The following DMD variants were observed in gnomAD, a reference collection of about 807,000 sequenced individuals.
The protein encoded by DMD is dystrophin.
A neutral mutation model predicts 330.1 loss-of-function variants in DMD; 63 were observed. The ratio of observed to expected loss-of-function variants is 0.19; its 90% CI spans 0.16 to 0.24. The LOEUF is 0.24. Among genes scored for constraint, DMD ranks in the 10% least tolerant of loss-of-function variants. The probability of loss-of-function intolerance (pLI) is 1.00; values close to 1 mark genes in which losing one functional copy is unlikely to be tolerated. For missense variants in DMD, 3,344 were observed against 2,684.1 expected, an observed-to-expected ratio of 1.25 and a Z score of -5.43; for synonymous variants, 1,223 against 959.8, an observed-to-expected ratio of 1.27 and a Z score of -5.07.
intron 4 of DMD, among the ~76,000 whole-genome samples, chrX:32,825,379 T>C (rs2078615168): frequency 9.0e-6 from 1 of 110,991 alleles, no homozygotes; most frequent in Admixed American, 9.6e-5. Flanking sequence ...TCTCATAAGG[T>C]CCAATTTCCA....
At chrX:31,145,609 C>G (rs750863090) in intron 76 of DMD, among the ~76,000 whole-genome samples, 2 of 110,535 alleles carry the variant, frequency 1.8e-5, no homozygotes, top group Non-Finnish European at 3.8e-5. Flanking sequence ...AAATCCTCTC[C>G]CTTCATTCCT....
intron 1 of DMD, among the ~76,000 whole-genome samples, chrX:33,287,678 C>T (rs1323740652): frequency 2.7e-5 from 3 of 111,021 alleles, no homozygotes; most frequent in Non-Finnish European, 3.8e-5. Flanking sequence ...AAGTAAGGAA[C>T]GGTTAAAAAG....
chrX:31,455,958 C>T (rs2066126367), intron 59 of DMD, among the ~76,000 whole-genome samples: 1 of 111,424 alleles, frequency 9.0e-6, no homozygotes, highest in Non-Finnish European at 1.9e-5. Flanking sequence ...TGGCATAGGA[C>T]CGGGGATCTC....
chrX:33,198,075 C>T (rs1247623918), intron 1 of DMD, among the ~76,000 whole-genome samples: 1 of 111,533 alleles, frequency 9.0e-6, no homozygotes, highest in East Asian at 2.8e-4. Context: ...TCCCTGTTAG[C>T]TTTCAGTGTT....
intron 30 of DMD, among the ~76,000 whole-genome samples, chrX:32,400,533 G>C (rs1350249100): frequency 2.7e-4 from 30 of 111,127 alleles, no homozygotes; most frequent in Non-Finnish European, 4.5e-4. Context: ...AGAAGGAATG[G>C]TATCAGTTCC....
rs763855627 is a variant in DMD at position 31,939,400 on chromosome X, T to C, written c.6615-7173A>G. ...TTATGCCTCACTATTAAGGAAATGA[T>C]TAGCAACTTTTGAGTAGATGTGGAA... is the stretch of plus-strand genomic sequence containing the variant. On this transcript the variant is annotated intron_variant, in intron 45 of 78. Transcript: ENST00000357033. Among the ~76,000 whole-genome samples the C allele has an allele frequency of 8.0e-5, 9 of 111,917 alleles. No homozygotes were observed. In the South Asian group the frequency reaches 3.3e-3, roughly 41 times the overall value.
chrX:32,380,432 A>G (rs1049924776), intron 34 of DMD, 78 bp downstream of exon 34: 2 of 911,424 alleles, frequency 2.2e-6, no homozygotes, highest in African/African-American at 3.9e-5. Flanking sequence ...TTATTGCTAC[A>G]TGTTAATACT....
intron 7 of DMD, among the ~76,000 whole-genome samples, chrX:32,790,663 C>T: frequency 8.9e-6 from 1 of 111,744 alleles, no homozygotes; most frequent in African/African-American, 3.3e-5. Flanking sequence ...GCAAACCCTC[C>T]CCTGCCCAAC....
intron 1 of DMD, among the ~76,000 whole-genome samples, chrX:33,210,918 G>A (rs1447300765): frequency 1.8e-5 from 2 of 110,850 alleles, no homozygotes; most frequent in African/African-American, 3.3e-5. Flanking sequence ...TACTAAATAC[G>A]GAAGTATCAA....
chrX:33,169,312 A>G (rs1220952441), intron 1 of DMD, among the ~76,000 whole-genome samples: 1 of 111,679 alleles, frequency 9.0e-6, no homozygotes, highest in Non-Finnish European at 1.9e-5. Flanking sequence ...AAGGTTAACA[A>G]TCCTTGGGTA....
intron 16 of DMD, among the ~76,000 whole-genome samples, chrX:32,549,417 G>A (rs1172215410): frequency 9.0e-6 from 1 of 111,649 alleles, no homozygotes; most frequent in Non-Finnish European, 1.9e-5. Context: ...TGCTTCCACT[G>A]TCTTGAAATT....
At chrX:33,258,118 T>C (rs998973369) in intron 1 of DMD, among the ~76,000 whole-genome samples, 9 of 111,470 alleles carry the variant, frequency 8.1e-5, no homozygotes, top group Non-Finnish European at 1.5e-4. Context: ...AGCACAATGT[T>C]TTATGCATGA....
intron 41 of DMD, among the ~76,000 whole-genome samples, chrX:32,336,237 G>A (rs1221850064): frequency 8.2e-5 from 9 of 110,414 alleles, no homozygotes; most frequent in Non-Finnish European, 1.1e-4. Context: ...AGGCTGATCT[G>A]GAACTCCTCC....
chrX:32,740,635 T>A (rs965092231), intron 7 of DMD, among the ~76,000 whole-genome samples: 2 of 111,453 alleles, frequency 1.8e-5, no homozygotes, highest in African/African-American at 6.5e-5. Flanking sequence ...AAGCATAAAG[T>A]TTATGACACA....
intron 9 of DMD, among the ~76,000 whole-genome samples, chrX:32,666,273 G>C (rs1429780175): frequency 1.8e-5 from 2 of 110,515 alleles, no homozygotes; most frequent in Non-Finnish European, 3.8e-5. Context: ...ATGTGCTATA[G>C]TGGTTTGCTG....
intron 7 of DMD, among the ~76,000 whole-genome samples, chrX:32,735,633 T>C (rs1187913959): frequency 1.8e-5 from 2 of 111,259 alleles, no homozygotes; most frequent in South Asian, 7.6e-4. Flanking sequence ...CTATCTGATC[T>C]TTGACAAACC....
At chrX:31,808,197 A>G (rs769366900) in intron 50 of DMD, among the ~76,000 whole-genome samples, 12 of 111,805 alleles carry the variant, frequency 1.1e-4, no homozygotes, top group Non-Finnish European at 2.3e-4. Context: ...AGGCCTATAT[A>G]TTACTGGAAT....
At chrX:32,974,636 A>G (rs1212939951) in intron 2 of DMD, among the ~76,000 whole-genome samples, 1 of 111,149 alleles carries the variant, frequency 9.0e-6, no homozygotes, top group African/African-American at 3.3e-5. Flanking sequence ...CCCTGCTTAT[A>G]TATCCTGTCT....
intron 45 of DMD, among the ~76,000 whole-genome samples, chrX:31,958,670 T>C (rs1452091051): frequency 1.8e-5 from 2 of 111,811 alleles, no homozygotes; most frequent in East Asian, 5.7e-4. Flanking sequence ...AATTCTGGTT[T>C]GTTTACTGGT....
Sources: gnomAD v4.1 joint callset for allele counts (sites outside exome capture counted in the v4.1 genomes callset) on GRCh38, gnomAD v4.1.1 for gene constraint, MANE v1.5 for transcripts, NCBI Gene and HGNC (gene_info 2026-07-23, HGNC 2026-07-21) for gene names.